Variants in PDE4D observed in about 807,000 individuals in gnomAD.
PDE4D encodes phosphodiesterase 4D.
Under a neutral mutation model 87.4 loss-of-function variants are expected in PDE4D, and 24 were observed. The ratio of observed to expected loss-of-function variants is 0.27; its 90% CI spans 0.20 to 0.39. PDE4D has a LOEUF of 0.39. Ranked by LOEUF, PDE4D falls within the 10% of genes least tolerant of loss-of-function variation. PDE4D has a pLI of 1.00. For missense variants in PDE4D, 714 were observed against 1,041.0 expected (o/e 0.69, Z 4.32); for synonymous variants, 384 against 383.2 (o/e 1.00, Z -0.02).
intron 2 of PDE4D, among the ~76,000 whole-genome samples, chr5:60,091,823 C>G (rs1483562543): frequency 6.6e-6 from 1 of 151,960 alleles, no homozygotes; most frequent in Non-Finnish European, 1.5e-5. Flanking sequence ...GAGGCCGAGA[C>G]AGGCGGATCA....
intron 2 of PDE4D, among the ~76,000 whole-genome samples, chr5:60,165,821 T>A (rs1782841036): frequency 6.6e-6 from 1 of 151,454 alleles, no homozygotes; most frequent in East Asian, 1.9e-4. Flanking sequence ...TGGGTCTTTT[T>A]TTTAAATCTA....
At chr5:60,226,157 A>G (rs949886664) in intron 1 of PDE4D, among the ~76,000 whole-genome samples, 4 of 152,126 alleles carry the variant, frequency 2.6e-5, no homozygotes, top group South Asian at 2.1e-4. Flanking sequence ...AAGTATTTGG[A>G]TATTTCTTGA....
intron 3 of PDE4D, among the ~76,000 whole-genome samples, chr5:59,188,275 C>T (rs1432255474): frequency 2.0e-5 from 3 of 152,218 alleles, no homozygotes; most frequent in African/African-American, 7.2e-5. Context: ...TCTTCTGCCC[C>T]ACCAAGCAGA....
chr5:59,485,061 T>C lies in PDE4D; in HGVS notation c.456-269093A>G, dbSNP rs558881623. 4.6e-5 allele frequency among the ~76,000 whole-genome samples: 7 copies of C among 152,306 alleles called. No homozygotes were observed. In the East Asian group the frequency reaches 9.6e-4, roughly 21 times the overall value. On this transcript the variant is annotated intron_variant, in intron 1 of 14. Transcript: ENST00000340635. ...TCTCCTAGGGAAGACTAGGATGTAATAGATTCTGAAGGTCATAGAGATTAA... is the reference window on the plus strand; with the variant it reads ...TCTCCTAGGGAAGACTAGGATGTAACAGATTCTGAAGGTCATAGAGATTAA...
At chr5:59,892,942 C>T (rs1390237940) in intron 1 of PDE4D, among the ~76,000 whole-genome samples, 1 of 144,674 alleles carries the variant, frequency 6.9e-6, no homozygotes, top group East Asian at 2.0e-4. Flanking sequence ...ACACACACGG[C>T]CCCAGTTAAC....
At chr5:59,558,708 C>T (rs1819413425) in intron 1 of PDE4D, 1 of 152,154 alleles carries the variant, frequency 6.6e-6, no homozygotes, top group Admixed American at 6.6e-5. Flanking sequence ...CTCACATGTT[C>T]AATTTCTTCT....
chr5:59,225,472 T>C (rs1753560425), intron 1 of PDE4D, among the ~76,000 whole-genome samples: 1 of 152,206 alleles, frequency 6.6e-6, no homozygotes, highest in Non-Finnish European at 1.5e-5. Context: ...CAAGATTGTT[T>C]TGACTATTCA....
chr5:59,583,889 C>T (rs751680470), intron 1 of PDE4D, among the ~76,000 whole-genome samples: 2 of 152,202 alleles, frequency 1.3e-5, no homozygotes, highest in Non-Finnish European at 2.9e-5. Context: ...TGCCAAGTCC[C>T]GCCTCTCCAA....
chr5:59,933,677 T>C (rs1756226737), intron 3 of PDE4D, among the ~76,000 whole-genome samples: 2 of 152,078 alleles, frequency 1.3e-5, no homozygotes, highest in African/African-American at 4.8e-5. Flanking sequence ...GATTAAGGAA[T>C]TGAACTCTCT....
intron 1 of PDE4D, among the ~76,000 whole-genome samples, chr5:59,475,648 A>C (rs1292039106): frequency 2.6e-5 from 4 of 152,066 alleles, no homozygotes; most frequent in Non-Finnish European, 5.9e-5. Flanking sequence ...CCTAAGGTCC[A>C]TTCTTGTCTC....
In PDE4D at chr5:59,980,144, A is replaced by G. The variant is rs115122832; in HGVS notation, c.272+8344T>C. Among the ~76,000 whole-genome samples, 564 of 152,342 alleles carry G rather than the reference A, an allele frequency of 3.7e-3. 4 individuals are homozygous for G. The highest frequency in any genetic ancestry group is 0.013 in the African/African-American group (534 of 41,586). ...CTGCATTTTTTTCATAAACACAAAT[A>G]CTGTAAAACAGAATAAAAAGGCTTT... On this transcript the variant is annotated intron_variant, in intron 3 of 16. Transcript: ENST00000502484.
intron 1 of PDE4D, chr5:59,529,237 T>C (rs1813711787): frequency 8.3e-6 from 4 of 480,484 alleles, no homozygotes; most frequent in South Asian, 4.9e-5. Flanking sequence ...GGATGGAACA[T>C]TTAACATCTC....
intron 1 of PDE4D, among the ~76,000 whole-genome samples, chr5:59,856,471 T>C (rs913470979): frequency 3.9e-5 from 6 of 152,134 alleles, no homozygotes; most frequent in African/African-American, 1.4e-4. Flanking sequence ...AATGGAAAAA[T>C]AAATCTCGTA....
At position 60,431,216 on chromosome 5, in the gene PDE4D, G is replaced by T. The variant is rs998745213; in HGVS notation, c.-90+56726C>A. 1.5e-4 allele frequency: 29 copies of T among 190,548 alleles called. No homozygotes were observed. The South Asian group carries it at 2.2e-3, about 14-fold the overall frequency. The allele number at this position is 190,548 out of a possible 1,614,324, so 11.8% of individuals were successfully genotyped here. On this transcript the variant is annotated intron_variant, in intron 1 of 16. Coordinates refer to the PDE4D transcript ENST00000502484. ...CCAGACAGGGTGGCTGCTGGGCGGA[G>T]ACGCTCCTCACTTCCCAGACGGGGT...
At chr5:59,375,056 G>T (rs545174518) in intron 1 of PDE4D, among the ~76,000 whole-genome samples, 8 of 152,282 alleles carry the variant, frequency 5.3e-5, no homozygotes, top group African/African-American at 1.7e-4. Flanking sequence ...GACATTTATA[G>T]CATGAAATGC....
chr5:59,417,237 A>G (rs182145389), intron 1 of PDE4D, among the ~76,000 whole-genome samples: 2 of 152,308 alleles, frequency 1.3e-5, no homozygotes, highest in Admixed American at 6.5e-5. Context: ...CTAAAGTACT[A>G]TATCTATTGA....
chr5:59,933,955 A>G (rs1327440948), intron 3 of PDE4D, among the ~76,000 whole-genome samples: 1 of 151,982 alleles, frequency 6.6e-6, no homozygotes, highest in African/African-American at 2.4e-5. Flanking sequence ...TTAAAAACCT[A>G]TTTGATTATA....
chr5:59,566,751 A>G (rs1028155621), intron 1 of PDE4D, among the ~76,000 whole-genome samples: 3 of 152,104 alleles, frequency 2.0e-5, no homozygotes, highest in Non-Finnish European at 2.9e-5. Context: ...ATGTAGGAAG[A>G]TGATGTCAGG....
intron 3 of PDE4D, among the ~76,000 whole-genome samples, chr5:59,926,084 A>G (rs1205705072): frequency 6.6e-6 from 1 of 152,182 alleles, no homozygotes; most frequent in East Asian, 1.9e-4. Flanking sequence ...TCAGCACATG[A>G]ATCAGTCTTA....
Sources: allele counts gnomAD v4.1 joint callset (sites outside exome capture counted in the v4.1 genomes callset), GRCh38; gene constraint gnomAD v4.1.1; transcripts MANE v1.5; gene names NCBI Gene and HGNC (gene_info 2026-07-23, HGNC 2026-07-21).